Variants in CDK8 observed in about 807,000 individuals in gnomAD.
CDK8 encodes cyclin dependent kinase 8.
A neutral mutation model predicts 71.5 loss-of-function variants in CDK8; 29 were observed. The observed-to-expected ratio is 0.41, with a 90% CI of 0.30 to 0.55. The LOEUF (loss-of-function observed/expected upper bound fraction) is 0.55. Ranked by LOEUF, CDK8 falls within the 20% of genes least tolerant of loss-of-function variation. The pLI is 0.37. For synonymous variants in CDK8, 161 were observed against 192.1 expected, an observed-to-expected ratio of 0.84 and a Z score of 1.34; for missense variants, 288 against 572.6, an observed-to-expected ratio of 0.50 and a Z score of 5.07.
chr13:26,290,207 TAA>T (rs1282752231), intron 1 of CDK8, among the ~76,000 whole-genome samples: 3 of 152,312 alleles, frequency 2.0e-5, no homozygotes, highest in Admixed American at 6.5e-5. Context: ...ATAACTGTAT[TAA>T]AAAGTGTTGA....
chr13:26,367,831 C>T (rs890003330), intron 4 of CDK8, among the ~76,000 whole-genome samples: 25 of 152,132 alleles, frequency 1.6e-4, no homozygotes, highest in African/African-American at 5.3e-4. Context: ...AATTCAAATT[C>T]GAATAAAGCA....
chr13:26,285,671 G>A lies in CDK8; in HGVS notation c.128+30902G>A, dbSNP rs9578988. Among the ~76,000 whole-genome samples the A allele has an allele frequency of 6.9e-3, 1,048 of 152,180 alleles. 8 individuals are homozygous for A. The highest frequency in any genetic ancestry group is 0.024 in the Middle Eastern group (7 of 294). ...GTCAGACAAGAGAAGGAAATAAAGC[G>A]GATCCACATTGGTAAAGACAAAGTC... is the stretch of plus-strand genomic sequence containing the variant. On this transcript the variant is annotated intron_variant, in intron 1 of 12. Coordinates refer to ENST00000381527, the MANE Select transcript of CDK8 (RefSeq NM_001260.3).
chr13:26,332,627 G>T (rs930892312), intron 1 of CDK8, among the ~76,000 whole-genome samples: 1 of 152,072 alleles, frequency 6.6e-6, no homozygotes, highest in Non-Finnish European at 1.5e-5. Context: ...AATAAGAGTG[G>T]TGAAAGTGAG....
At chr13:26,342,164 C>T (rs963689897) in intron 2 of CDK8, among the ~76,000 whole-genome samples, 3 of 152,198 alleles carry the variant, frequency 2.0e-5, no homozygotes, top group Admixed American at 1.3e-4. Context: ...CCGCCCACCT[C>T]AGCCTCCCAA....
chr13:26,258,272 A>G (rs1253876273), intron 1 of CDK8, among the ~76,000 whole-genome samples: 1 of 152,292 alleles, frequency 6.6e-6, no homozygotes, highest in South Asian at 2.1e-4. Flanking sequence ...TATAATTAAT[A>G]TATTGAATAA....
At chr13:26,284,241 A>G (rs915357991) in intron 1 of CDK8, among the ~76,000 whole-genome samples, 1 of 152,238 alleles carries the variant, frequency 6.6e-6, no homozygotes, top group African/African-American at 2.4e-5. Context: ...GAAACGAAGA[A>G]CAAACCAAAC....
intron 1 of CDK8, among the ~76,000 whole-genome samples, chr13:26,290,448 GC>G (rs924049671): frequency 2.0e-5 from 3 of 152,132 alleles, no homozygotes; most frequent in African/African-American, 7.2e-5. Context: ...ATTATAGTAT[GC>G]TTTGTATGTT....
intron 2 of CDK8, among the ~76,000 whole-genome samples, chr13:26,343,291 A>G (rs113959304): frequency 1.2e-4 from 19 of 152,168 alleles, no homozygotes; most frequent in Non-Finnish European, 2.6e-4. Context: ...GCATGTTGCT[A>G]TACCGAATAC....
intron 1 of CDK8, among the ~76,000 whole-genome samples, chr13:26,272,319 G>GA (rs965259561): frequency 3.3e-5 from 5 of 149,294 alleles, no homozygotes; most frequent in South Asian, 2.1e-4. Flanking sequence ...TAAAGAAAAA[G>GA]AAAAAAAAGT....
At chr13:26,310,525 G>C (rs1338326291) in intron 1 of CDK8, among the ~76,000 whole-genome samples, 1 of 152,074 alleles carries the variant, frequency 6.6e-6, no homozygotes, top group Non-Finnish European at 1.5e-5. Context: ...TTAGGCATTA[G>C]AGTTTTCATA....
chr13:26,382,972 G>T, intron 5 of CDK8, 101 bp downstream of exon 5: 1 of 648,358 alleles, frequency 1.5e-6, no homozygotes. Context: ...ATATATTCAT[G>T]TAGTTCCATA....
chr13:26,307,000 G>A (rs1220550806), intron 1 of CDK8, among the ~76,000 whole-genome samples: 1 of 152,132 alleles, frequency 6.6e-6, no homozygotes. Context: ...TGTCTTAGGA[G>A]AGAAACTCAT....
intron 1 of CDK8, among the ~76,000 whole-genome samples, chr13:26,310,735 T>A (rs1874245299): frequency 6.6e-6 from 1 of 152,194 alleles, no homozygotes; most frequent in Admixed American, 6.5e-5. Context: ...TAACAGGCCA[T>A]GGACCCTTAT....
At chr13:26,272,580 T>A (rs1448218419) in intron 1 of CDK8, among the ~76,000 whole-genome samples, 2 of 152,228 alleles carry the variant, frequency 1.3e-5, no homozygotes, top group African/African-American at 4.8e-5. Flanking sequence ...CACTCTTTAC[T>A]TTTTATTGAC....
intron 1 of CDK8, among the ~76,000 whole-genome samples, chr13:26,274,209 G>GTAA (rs1490104916): frequency 1.4e-5 from 2 of 147,678 alleles, no homozygotes; most frequent in African/African-American, 5.3e-5. Flanking sequence ...GAACTAATTT[G>GTAA]TAATGTCTTT....
intron 1 of CDK8, among the ~76,000 whole-genome samples, chr13:26,270,234 C>T (rs936737259): frequency 7.2e-5 from 11 of 151,738 alleles, no homozygotes; most frequent in South Asian, 2.1e-4. Context: ...ACTAAAAATA[C>T]GAAAATTAGC....
intron 7 of CDK8, among the ~76,000 whole-genome samples, chr13:26,396,051 G>A (rs1875976889): frequency 6.6e-6 from 1 of 152,066 alleles, no homozygotes; most frequent in African/African-American, 2.4e-5. Flanking sequence ...AAAACATACA[G>A]AAAGTTTGCA....
In CDK8 at chr13:26,262,855, AACTT is replaced by A. The variant is rs550176843; in HGVS notation, c.128+8087_128+8090del. Among the ~76,000 whole-genome samples the A allele has an allele frequency of 6.8e-3, 1,029 of 152,330 alleles. 7 individuals carry two copies. The highest frequency in any genetic ancestry group is 0.024 in the Middle Eastern group (7 of 294). ...ACATGAGTAAAAAATTATTTAGACTAACTTCTATTCAAGGTAACTCAGTTACTCA... is the reference window on the plus strand; with the variant it reads ...ACATGAGTAAAAAATTATTTAGACTACTATTCAAGGTAACTCAGTTACTCA... On this transcript the variant is annotated intron_variant, in intron 1 of 12. Coordinates refer to ENST00000381527, the MANE Select transcript of CDK8 (RefSeq NM_001260.3).
intron 1 of CDK8, among the ~76,000 whole-genome samples, chr13:26,319,975 A>G (rs1475280899): frequency 6.6e-6 from 1 of 152,156 alleles, no homozygotes; most frequent in Non-Finnish European, 1.5e-5. Context: ...TGGGGAAAGG[A>G]CAGCCCTTTC....
Sources: gnomAD v4.1 joint callset for allele counts (sites outside exome capture counted in the v4.1 genomes callset) on GRCh38, gnomAD v4.1.1 for gene constraint, MANE v1.5 for transcripts, NCBI Gene and HGNC (gene_info 2026-07-23, HGNC 2026-07-21) for gene names.